Variants in CHST8 observed in about 807,000 individuals in gnomAD.
CHST8 encodes the protein GALNAC-4-ST1.
Under a neutral mutation model 15.0 loss-of-function variants are expected in CHST8, and 10 were observed. The ratio of observed to expected loss-of-function variants is 0.67; its 90% CI spans 0.41 to 1.13. The LOEUF (loss-of-function observed/expected upper bound fraction) is 1.13. CHST8 is among the 50% of genes most tolerant of loss of function. The probability of loss-of-function intolerance (pLI) is 0.00; values close to 1 mark genes in which losing one functional copy is unlikely to be tolerated. For missense variants in CHST8, 634 were observed against 608.2 expected (o/e 1.04, Z -0.45); for synonymous variants, 259 against 256.6 (o/e 1.01, Z -0.09).
At chr19:33,673,153 G>C (rs992329112) in intron 2 of CHST8, among the ~76,000 whole-genome samples, 3 of 152,194 alleles carry the variant, frequency 2.0e-5, no homozygotes, top group African/African-American at 7.2e-5. Flanking sequence ...TCCGGGTGTC[G>C]TGGCTGGGAG....
At chr19:33,734,223 G>A (rs993518735) in intron 3 of CHST8, among the ~76,000 whole-genome samples, 1 of 152,076 alleles carries the variant, frequency 6.6e-6, no homozygotes, top group Non-Finnish European at 1.5e-5. Flanking sequence ...TCCCACCAGC[G>A]CCATGACAGT....
chr19:33,731,565 G>A (rs776992044), intron 3 of CHST8, among the ~76,000 whole-genome samples: 2 of 152,174 alleles, frequency 1.3e-5, no homozygotes, highest in Non-Finnish European at 2.9e-5. Flanking sequence ...TATCAGCAAG[G>A]TCTTTGTGAC....
chr19:33,731,936 T>C (rs1244352256), intron 3 of CHST8, among the ~76,000 whole-genome samples: 1 of 152,162 alleles, frequency 6.6e-6, no homozygotes, highest in East Asian at 1.9e-4. Flanking sequence ...AGACAGCCTG[T>C]CTCAATGGCT....
At chr19:33,664,827 G>T (rs375587778) in intron 1 of CHST8, among the ~76,000 whole-genome samples, 1 of 151,952 alleles carries the variant, frequency 6.6e-6, no homozygotes, top group South Asian at 2.1e-4. Flanking sequence ...TGGTTCCCAC[G>T]TATGAGTGAG....
At chr19:33,748,165 T>C (rs1320839182) in intron 3 of CHST8, among the ~76,000 whole-genome samples, 1 of 152,198 alleles carries the variant, frequency 6.6e-6, no homozygotes, top group African/African-American at 2.4e-5. Context: ...TCTAGGGCCT[T>C]AATCAATAGT....
intron 1 of CHST8, among the ~76,000 whole-genome samples, chr19:33,624,434 A>G (rs979345922): frequency 6.6e-6 from 1 of 152,246 alleles, no homozygotes; most frequent in African/African-American, 2.4e-5. Context: ...TCTTGTAGCC[A>G]GAATATCACT....
At chr19:33,645,581 C>G (rs1972343509) in intron 1 of CHST8, among the ~76,000 whole-genome samples, 1 of 152,146 alleles carries the variant, frequency 6.6e-6, no homozygotes, top group Non-Finnish European at 1.5e-5. Flanking sequence ...GAGTGACCCA[C>G]AGCTGAGGTG....
rs1972585255 is a variant in CHST8 at position 33,661,579 on chromosome 19, A to AAGGGG, written c.-163-6187_-163-6183dup. On this transcript the variant is annotated intron_variant, in intron 1 of 4. Coordinates refer to ENST00000650847, the MANE Select transcript of CHST8 (RefSeq NM_001127895.2). The stretch of plus-strand genomic sequence containing the variant: ...GCCCCCCATGGCTGGGCCATCAGGA[A>AAGGGG]AGGGGTGATGCCCACTGCCTCACCA... Among the ~76,000 whole-genome samples the AAGGGG allele has an allele frequency of 2.6e-5, 4 of 152,172 alleles. No individual in the cohort carries two copies. In the South Asian group the frequency reaches 8.3e-4, roughly 32 times the overall value.
chr19:33,662,267 G>A (rs1000690695), intron 1 of CHST8, among the ~76,000 whole-genome samples: 2 of 151,998 alleles, frequency 1.3e-5, no homozygotes, highest in African/African-American at 2.4e-5. Context: ...TAGTAGACAT[G>A]GTGTTTCACT....
intron 3 of CHST8, among the ~76,000 whole-genome samples, chr19:33,703,092 G>T (rs187120396): frequency 1.3e-5 from 2 of 152,332 alleles, no homozygotes; most frequent in Non-Finnish European, 2.9e-5. Context: ...GGCAGCTGCC[G>T]TGGAGAGGTG....
intron 2 of CHST8, among the ~76,000 whole-genome samples, chr19:33,686,503 C>A (rs1972983009): frequency 1.3e-5 from 2 of 152,184 alleles, no homozygotes; most frequent in Admixed American, 1.3e-4. Flanking sequence ...CTCTGCAGCG[C>A]CAGCTACTGA....
At chr19:33,744,684 C>A (rs572953730) in intron 3 of CHST8, among the ~76,000 whole-genome samples, 1 of 152,164 alleles carries the variant, frequency 6.6e-6, no homozygotes, top group African/African-American at 2.4e-5. Flanking sequence ...TCCACCTCAG[C>A]CTCCTGGGTA....
chr19:33,636,134 A>T lies in CHST8; in HGVS notation c.-164+13838A>T, dbSNP rs1014056970. Reference sequence around the variant, plus strand: ...CCTCTTGACGCTTTCTCCAAAATTGATCTGAAGACTTGGCAGATTTGAGGA... The same window carrying T: ...CCTCTTGACGCTTTCTCCAAAATTGTTCTGAAGACTTGGCAGATTTGAGGA... On this transcript the variant is annotated intron_variant, in intron 1 of 4. Transcript: ENST00000650847. 2.9e-4 allele frequency among the ~76,000 whole-genome samples: 44 copies of T among 150,912 alleles called. 1 individual carries two copies. The highest frequency in any genetic ancestry group is 2.8e-3 in the Admixed American group (42 of 15,156).
At chr19:33,739,677 C>T (rs1974151081) in intron 3 of CHST8, among the ~76,000 whole-genome samples, 1 of 152,182 alleles carries the variant, frequency 6.6e-6, no homozygotes, top group Admixed American at 6.5e-5. Flanking sequence ...CCATCAGTCC[C>T]AAAACATCAT....
intron 2 of CHST8, among the ~76,000 whole-genome samples, chr19:33,674,415 A>AT (rs1306502013): frequency 6.6e-6 from 1 of 152,146 alleles, no homozygotes; most frequent in African/African-American, 2.4e-5. Flanking sequence ...GGTCTGTGAA[A>AT]TTTTTAATTA....
chr19:33,695,821 C>CTTTTTTTTTTT (rs55695414), intron 3 of CHST8, among the ~76,000 whole-genome samples: 6 of 76,234 alleles, frequency 7.9e-5, no homozygotes, highest in Admixed American at 1.3e-4. Flanking sequence ...TTCTTTCTTT[C>CTTTTTTTTTTT]TTTTTTTTTT....
rs75702992 is a variant in CHST8, at chr19:33,662,392, C to A, written c.-163-5375C>A. On this transcript the variant is annotated intron_variant, in intron 1 of 4. Coordinates refer to ENST00000650847, the MANE Select transcript of CHST8 (RefSeq NM_001127895.2). ...TGCACCCAGCTTGAAAGGACAATTT[C>A]GTACATCACTCCACACCCAGCTACA... 1.9e-3 allele frequency among the ~76,000 whole-genome samples: 287 copies of A among 152,300 alleles called. 5 individuals carry two copies. In the East Asian group the frequency reaches 0.025, roughly 13 times the overall value.
intron 3 of CHST8, among the ~76,000 whole-genome samples, chr19:33,756,274 G>T (rs1401742994): frequency 6.6e-6 from 1 of 152,208 alleles, no homozygotes; most frequent in Admixed American, 6.5e-5. Flanking sequence ...AGCTAACGAG[G>T]CTGGCGTTAG....
intron 1 of CHST8, among the ~76,000 whole-genome samples, chr19:33,641,544 C>T (rs1477234334): frequency 6.6e-6 from 1 of 152,130 alleles, no homozygotes; most frequent in African/African-American, 2.4e-5. Context: ...GGTGGCACAC[C>T]GGCTGGGGAT....
Sources: gnomAD v4.1 joint callset for allele counts (sites outside exome capture counted in the v4.1 genomes callset) on GRCh38, gnomAD v4.1.1 for gene constraint, MANE v1.5 for transcripts, NCBI Gene and HGNC (gene_info 2026-07-23, HGNC 2026-07-21) for gene names.